The following SEMA6A variants were observed in gnomAD, a reference collection of about 807,000 sequenced individuals.
SEMA6A encodes the protein semaphorin-6A.
In SEMA6A, 25 loss-of-function variants were observed where a neutral mutation model predicts 96.8. The observed-to-expected ratio is 0.26, with a 90% CI of 0.19 to 0.36. The LOEUF (loss-of-function observed/expected upper bound fraction) is 0.36. SEMA6A is among the 10% of genes least tolerant of loss of function. SEMA6A has a pLI of 1.00. For synonymous variants in SEMA6A, 612 were observed against 518.0 expected (o/e 1.18, Z -2.46); for missense variants, 1,363 against 1,323.1 (o/e 1.03, Z -0.47).
At chr5:116,494,136 A>C (rs1757464012) in intron 6 of SEMA6A, among the ~76,000 whole-genome samples, 1 of 151,974 alleles carries the variant, frequency 6.6e-6, no homozygotes, top group Non-Finnish European at 1.5e-5. Flanking sequence ...TCTTCCCTTC[A>C]TCCCTGGGGC....
At chr5:116,496,862 T>C (rs1313729586) in intron 4 of SEMA6A, among the ~76,000 whole-genome samples, 1 of 152,182 alleles carries the variant, frequency 6.6e-6, no homozygotes, top group Non-Finnish European at 1.5e-5. Context: ...AATATCCCCA[T>C]GTGGAGTTAT....
intron 18 of SEMA6A, among the ~76,000 whole-genome samples, chr5:116,453,887 A>T (rs906159279): frequency 4.6e-5 from 7 of 152,248 alleles, no homozygotes; most frequent in African/African-American, 1.7e-4. Context: ...TGAAGCAAAC[A>T]GACAAGCAAA....
chr5:116,526,935 T>G (rs754693987), intron 1 of SEMA6A, among the ~76,000 whole-genome samples: 1 of 152,184 alleles, frequency 6.6e-6, no homozygotes, highest in Non-Finnish European at 1.5e-5. Flanking sequence ...GGGCACAGCT[T>G]AAGTGCATAT....
rs1754244130 is a variant in SEMA6A, at chr5:116,446,828, G to A, written c.2878C>T (p.Pro960Ser). The A allele has an allele frequency of 6.2e-7, 1 of 1,613,956 alleles. No individual in the cohort carries two copies. Among genetic ancestry groups the A allele is most frequent in the South Asian group, 1.1e-5 (1 of 91,076 alleles). ...NQSFGRGDNP[P>S]PAPQRVDSIQ... ...GAGTCCACCCTCTGCGGGGCGGGCGGCGGGTTGTCTCCCCTGCCAAAGCTC... is the reference window on the plus strand; with the variant it reads ...GAGTCCACCCTCTGCGGGGCGGGCGACGGGTTGTCTCCCCTGCCAAAGCTC... Residue 960 changes from proline to serine, a missense_variant, in exon 19 of 19, where the codon CCG becomes TCG. Physicochemically the swap from Pro to Ser is moderately conservative, Grantham distance 74 (BLOSUM62 -1). Transcript: ENST00000343348.
At chr5:116,475,510 C>G in intron 16 of SEMA6A, 35 bp downstream of exon 16, 1 of 1,487,800 alleles carries the variant, frequency 6.7e-7, no homozygotes, top group Non-Finnish European at 9.2e-7. Context: ...AGCATCTTTG[C>G]CCAAAGATAA....
intron 7 of SEMA6A, among the ~76,000 whole-genome samples, chr5:116,491,436 T>C (rs1757319400): frequency 6.9e-6 from 1 of 144,048 alleles, no homozygotes; most frequent in African/African-American, 2.6e-5. Flanking sequence ...TTTTTTTTTT[T>C]ACATTGGTGG....
Position 116,484,066 on chromosome 5 carries a change from G to GA in SEMA6A, c.963-1492dup, listed in dbSNP as rs542325007. Among the ~76,000 whole-genome samples the GA allele has an allele frequency of 6.5e-3, 650 of 99,894 alleles. 3 individuals are homozygous for GA. The highest frequency in any genetic ancestry group is 8.3e-3 in the African/African-American group (238 of 28,846). 65.5% of individuals were successfully genotyped at this position (99,894 alleles called of 152,430 possible). ...GCGACAGAGTGAGACTCTGTCTGAA[G>GA]AAAAAAAAAAAAAAAAAAAAGACAG... is the stretch of plus-strand genomic sequence containing the variant. On this transcript the variant is annotated intron_variant, in intron 10 of 18. Coordinates refer to ENST00000343348, the MANE Select transcript of SEMA6A (RefSeq NM_020796.5).
At chr5:116,573,824 C>T (rs1186615660) in intron 1 of SEMA6A, among the ~76,000 whole-genome samples, 1 of 152,064 alleles carries the variant, frequency 6.6e-6, no homozygotes, top group East Asian at 1.9e-4. Context: ...ATTTAGGGCC[C>T]GCTCTGCTCC....
intron 1 of SEMA6A, among the ~76,000 whole-genome samples, chr5:116,511,291 G>A (rs567293853): frequency 6.6e-5 from 10 of 152,130 alleles, no homozygotes; most frequent in African/African-American, 2.4e-4. Context: ...AAAGCAACAA[G>A]AAAAAGAAGT....
At chr5:116,536,194 C>T (rs1217077279) in intron 1 of SEMA6A, 1 of 152,158 alleles carries the variant, frequency 6.6e-6, no homozygotes, top group Non-Finnish European at 1.5e-5. Context: ...ACCCTCAACC[C>T]CATTCCCACC....
chr5:116,496,294 C>G lies in SEMA6A; in HGVS notation c.299G>C (p.Arg100Thr). Reference protein sequence around the residue: ...YCSKKLTWKSRQADVDTCRMK... With the variant: ...YCSKKLTWKSTQADVDTCRMK... ...TCTGCATGTGTCTACATCGGCCTGT[C>G]TAGATTTCCATGTCAGTTTCTGCAG... The change falls in exon 5 of 19, where the codon AGA (arginine) becomes ACA (threonine). Residue 100 changes from arginine to threonine, a missense_variant. By Grantham distance (71) the Arg-to-Thr change is moderately conservative (BLOSUM62 -1). Transcript: ENST00000343348. The G allele has an allele frequency of 6.2e-7, 1 of 1,613,702 alleles. No homozygotes were observed. The highest frequency in any genetic ancestry group is 2.2e-5 in the East Asian group (1 of 44,856).
chr5:116,457,823 C>CT (rs1204296899), intron 18 of SEMA6A, among the ~76,000 whole-genome samples: 4 of 152,154 alleles, frequency 2.6e-5, no homozygotes, highest in Non-Finnish European at 4.4e-5. Flanking sequence ...AGCCCATACA[C>CT]TTTGCAAGAG....
chr5:116,558,022 T>C (rs1186890361), intron 1 of SEMA6A, among the ~76,000 whole-genome samples: 3 of 152,354 alleles, frequency 2.0e-5, no homozygotes, highest in South Asian at 4.1e-4. Flanking sequence ...ATCAAATCGT[T>C]CCTTAATGTT....
intron 1 of SEMA6A, among the ~76,000 whole-genome samples, chr5:116,509,578 C>G (rs917621599): frequency 2.7e-5 from 4 of 148,698 alleles, no homozygotes; most frequent in Non-Finnish European, 5.9e-5. Flanking sequence ...GGGATTCTGC[C>G]CCAGTGAAGA....
intron 18 of SEMA6A, among the ~76,000 whole-genome samples, chr5:116,466,136 C>T (rs1045626943): frequency 2.7e-5 from 4 of 150,322 alleles, no homozygotes; most frequent in Non-Finnish European, 4.4e-5. Context: ...TTTGGGAAGC[C>T]GAGGCGGGTG....
chr5:116,480,184 C>T lies in SEMA6A; in HGVS notation c.1188G>A (p.Pro396=), dbSNP rs377190549. The T allele has an allele frequency of 1.1e-5, 17 of 1,613,724 alleles. No homozygotes were observed. Among genetic ancestry groups the T allele is most frequent in the Admixed American group, 3.3e-5 (2 of 59,978 alleles). ...TGGAGGGCACTGCCTCATCCATGAG[C>T]GGGTGCGTCTTGATGAAGTTCAGGG... The part of the protein sequence containing the change: ...DDTLNFIKTH[P]LMDEAVPSIF... Residue 396 remains proline (P), a synonymous_variant, in exon 12 of 19, where the codon CCG becomes CCA. Coordinates refer to ENST00000343348, the MANE Select transcript of SEMA6A (RefSeq NM_020796.5).
chr5:116,484,642 T>C (rs1385940541), intron 10 of SEMA6A, among the ~76,000 whole-genome samples: 1 of 151,522 alleles, frequency 6.6e-6, no homozygotes, highest in African/African-American at 2.4e-5. Flanking sequence ...AAAATAATAA[T>C]AATAATAACA....
chr5:116,446,698 G>T lies in SEMA6A; in HGVS notation c.3008C>A (p.Thr1003Lys), dbSNP rs527797505. The change falls in exon 19 of 19, where the codon ACG becomes AAG. Residue 1003 changes from threonine (T) to lysine (K), a missense_variant. This residue lies in a region of SEMA6A where 883 missense variants were observed against 763.6 expected (regional missense o/e 1.16). Transcript: ENST00000343348. ...NSLTRSGLKR[T>K]PSLKPDVPPK... ...GGGTACGTCCGGCTTTAGCGAGGGC[G>T]TACGCTTCAGCCCCGACCTTGTCAG... 2 of 1,584,956 alleles carry T rather than the reference G, an allele frequency of 1.3e-6. No homozygotes were observed. Among genetic ancestry groups the T allele is most frequent in the South Asian group, 2.3e-5 (2 of 86,462 alleles).
chr5:116,541,776 T>G (rs1759974400), intron 1 of SEMA6A, among the ~76,000 whole-genome samples: 1 of 152,160 alleles, frequency 6.6e-6, no homozygotes, highest in African/African-American at 2.4e-5. Context: ...GAGGTTGCAG[T>G]GAGCTGAGAT....
Sources: gnomAD v4.1 joint callset for allele counts (sites outside exome capture counted in the v4.1 genomes callset) on GRCh38, gnomAD v4.1.1 for gene constraint, gnomAD v4.1.1 regional missense constraint, MANE v1.5 for transcripts, NCBI Gene and HGNC (gene_info 2026-07-23, HGNC 2026-07-21) for gene names.